Variants in SEC61A2 observed in about 807,000 individuals in gnomAD.
SEC61A2 encodes protein transport protein Sec61 subunit alpha isoform 2.
A neutral mutation model predicts 59.9 loss-of-function variants in SEC61A2; 28 were observed. The ratio of observed to expected loss-of-function variants is 0.47; its 90% confidence interval spans 0.35 to 0.64. The LOEUF (loss-of-function observed/expected upper bound fraction) is 0.64, where lower values mean the gene tolerates loss of function less well. Among genes scored for constraint, SEC61A2 ranks in the 30% least tolerant of loss-of-function variants. The pLI is 0.01. For synonymous variants in SEC61A2, 202 were observed against 214.4 expected, an observed-to-expected ratio of 0.94 and a Z score of 0.50; for missense variants, 340 against 585.9, an observed-to-expected ratio of 0.58 and a Z score of 4.33.
chr10:12,139,376 G>A (rs181254949), intron 3 of SEC61A2, among the ~76,000 whole-genome samples: 8 of 151,706 alleles, frequency 5.3e-5, no homozygotes, highest in Non-Finnish European at 8.8e-5. Context: ...CTTGCCAGGC[G>A]CAGTGGCTCA....
At position 12,153,768 on chromosome 10, in the gene SEC61A2, A is replaced by G; in HGVS notation, c.463-2010A>G. The G allele has an allele frequency of 6.2e-7, 1 of 1,611,096 alleles. No homozygotes were observed. Among genetic ancestry groups the G allele is most frequent in the Non-Finnish European group, 8.5e-7 (1 of 1,179,360 alleles). Reference sequence around the variant, plus strand: ...ACTAACATTGAAAATATGTGGATACACTGAAGAGCTATGATTGGATCAGTG... The same window carrying G: ...ACTAACATTGAAAATATGTGGATACGCTGAAGAGCTATGATTGGATCAGTG... On this transcript the variant is annotated intron_variant, in intron 6 of 11. Transcript: ENST00000298428. This position sits in a 1 kb window ranked among gnomAD's most constrained non-coding sequence, Gnocchi z 5.2.
chr10:12,130,967 G>C (rs1043588821), intron 1 of SEC61A2, among the ~76,000 whole-genome samples: 2 of 152,192 alleles, frequency 1.3e-5, no homozygotes, highest in Admixed American at 6.5e-5. Context: ...GAGGTCAGGT[G>C]TTCGAGACCA....
At chr10:12,151,210 A>T (rs1834264221) in intron 6 of SEC61A2, among the ~76,000 whole-genome samples, 1 of 151,396 alleles carries the variant, frequency 6.6e-6, no homozygotes, top group Admixed American at 6.6e-5. Context: ...AGTTTGCTGA[A>T]GTTAATAAAC....
At chr10:12,134,197 C>T (rs554209608) in intron 2 of SEC61A2, among the ~76,000 whole-genome samples, 22 of 152,174 alleles carry the variant, frequency 1.4e-4, no homozygotes, top group Admixed American at 3.9e-4. Flanking sequence ...TTAGTAGAGA[C>T]GGGGTTTCAC....
rs990938332 is a variant in SEC61A2, at chr10:12,142,167, C to T, written c.142-950C>T. Reference sequence around the variant, plus strand: ...TTGGATCTCAGGGCAGGATTTATGGCGAGTACATGTTCTTACACTAAGGAC... The same window carrying T: ...TTGGATCTCAGGGCAGGATTTATGGTGAGTACATGTTCTTACACTAAGGAC... On this transcript the variant is annotated intron_variant, in intron 3 of 11. Transcript: ENST00000298428. This position sits in a 1 kb window ranked among gnomAD's most constrained non-coding sequence, Gnocchi z 5.4. Among the ~76,000 whole-genome samples the T allele has an allele frequency of 2.0e-5, 3 of 152,072 alleles. No individual in the cohort carries two copies. The highest frequency in any genetic ancestry group is 6.6e-5 in the Admixed American group (1 of 15,252).
At position 12,160,302 on chromosome 10, in the gene SEC61A2, C is replaced by T. The variant is rs369983519; in HGVS notation, c.976-628C>T. 3.9e-5 allele frequency among the ~76,000 whole-genome samples: 6 copies of T among 152,258 alleles called. No individual in the cohort carries two copies. The highest frequency in any genetic ancestry group is 1.4e-4 in the African/African-American group (6 of 41,552). On this transcript the variant is annotated intron_variant, in intron 9 of 11. Transcript: ENST00000298428. The surrounding 1 kb of genome is among the most constrained non-coding windows in gnomAD (Gnocchi z 4.1). Reference sequence around the variant, plus strand: ...ATTGGGCAGTCATAAATTCAAGAACCAGATACTGTAATCATCGCAACTAAA... The same window carrying T: ...ATTGGGCAGTCATAAATTCAAGAACTAGATACTGTAATCATCGCAACTAAA...
At chr10:12,141,969 G>C (rs1588633958) in intron 3 of SEC61A2, among the ~76,000 whole-genome samples, 1 of 152,190 alleles carries the variant, frequency 6.6e-6, no homozygotes, top group East Asian at 1.9e-4. Flanking sequence ...AGCATAGTTT[G>C]GGGCAGCAGT....
In SEC61A2 at chr10:12,145,374, T is replaced by G. The variant is rs1395803005; in HGVS notation, c.220+2179T>G. Among the ~76,000 whole-genome samples the G allele has an allele frequency of 2.6e-5, 4 of 152,202 alleles. No homozygotes were observed. Among genetic ancestry groups the G allele is most frequent in the Non-Finnish European group, 5.9e-5 (4 of 68,032 alleles). On this transcript the variant is annotated intron_variant, in intron 4 of 11. Transcript: ENST00000298428. This position sits in a 1 kb window ranked among gnomAD's most constrained non-coding sequence, Gnocchi z 4.4. ...GGGTCACAAGATAGGCATACTGAAATTTTTGATAGAGAAAGCTAAATTATC... is the reference window on the plus strand; with the variant it reads ...GGGTCACAAGATAGGCATACTGAAAGTTTTGATAGAGAAAGCTAAATTATC...
At position 12,157,048 on chromosome 10, in the gene SEC61A2, C is replaced by T. The variant is rs763068385; in HGVS notation, c.758C>T (p.Ala253Val). The T allele has an allele frequency of 5.0e-6, 8 of 1,613,986 alleles. No homozygotes were observed. The highest frequency in any genetic ancestry group is 6.8e-6 in the Non-Finnish European group (8 of 1,179,960). ...MNLIATVFVF[A>V]VVIYFQGFRV... ...CTCATTGCTACAGTTTTTGTGTTTG[C>T]TGTTGTTATATATTTCCAAGTAAGT... The change falls in exon 8 of 12, where the codon GCT (alanine) becomes GTT (valine). Residue 253 changes from alanine (A) to valine (V), a missense_variant. Ala to Val is a moderately conservative substitution (Grantham distance 64). Coordinates refer to ENST00000298428, the MANE Select transcript of SEC61A2 (RefSeq NM_018144.4).
intron 8 of SEC61A2, 43 bp from the exon 9 acceptor site, chr10:12,157,865 A>T: frequency 6.4e-7 from 1 of 1,558,670 alleles, no homozygotes; most frequent in Non-Finnish European, 8.8e-7. Context: ...TTCTTTTCTT[A>T]ATGTGTCTGG....
Position 12,139,868 on chromosome 10 carries a change from C to T in SEC61A2, c.142-3249C>T, listed in dbSNP as rs61222568. ...CCTGTAGTCCCAGCTACTTGGGAGG[C>T]TGAGGCAGGAGAATGGCGTGAACCC... On this transcript the variant is annotated intron_variant, in intron 3 of 11. Transcript: ENST00000298428. Among the ~76,000 whole-genome samples, 8 of 151,180 alleles carry T rather than the reference C, an allele frequency of 5.3e-5. No homozygotes were observed. The East Asian group carries it at 1.6e-3, about 29-fold the overall frequency.
In SEC61A2 at chr10:12,151,392, A is replaced by G. The variant is rs1225503961; in HGVS notation, c.462+1431A>G. On this transcript the variant is annotated intron_variant, in intron 6 of 11. Coordinates refer to ENST00000298428, the MANE Select transcript of SEC61A2 (RefSeq NM_018144.4). ...AGTGGCACGATCTCGGCTCACTGCAACCTCCCCTTCCTGGTTTCAAGCGAT... is the reference window on the plus strand; with the variant it reads ...AGTGGCACGATCTCGGCTCACTGCAGCCTCCCCTTCCTGGTTTCAAGCGAT... 1.3e-4 allele frequency among the ~76,000 whole-genome samples: 19 copies of G among 147,268 alleles called. 3 individuals are homozygous for G. Among genetic ancestry groups the G allele is most frequent in the African/African-American group, 4.6e-4 (18 of 38,726 alleles).
In SEC61A2 at chr10:12,145,972, C is replaced by G. The variant is rs1588636254; in HGVS notation, c.220+2777C>G. On this transcript the variant is annotated intron_variant, in intron 4 of 11. Transcript: ENST00000298428. This position sits in a 1 kb window ranked among gnomAD's most constrained non-coding sequence, Gnocchi z 4.4. ...GGCCTCAGCAGCAGGGATTGGTGAA[C>G]ATTTTCCATTCTCTGTGCGATTCAG... 6.6e-6 allele frequency among the ~76,000 whole-genome samples: 1 copy of G among 152,138 alleles called. No homozygotes were observed. The highest frequency in any genetic ancestry group is 2.4e-5 in the African/African-American group (1 of 41,436).
In SEC61A2 at chr10:12,156,835, C is replaced by A; in HGVS notation, c.617-72C>A. 6.6e-7 allele frequency: 1 copy of A among 1,504,842 alleles called. No individual in the cohort carries two copies. The highest frequency in any genetic ancestry group is 1.4e-5 in the African/African-American group (1 of 70,914). 93.2% of individuals were successfully genotyped at this position (1,504,842 alleles called of 1,614,324 possible). On this transcript the variant is annotated intron_variant, in intron 7 of 11. Transcript: ENST00000298428. This position sits in a 1 kb window ranked among gnomAD's most constrained non-coding sequence, Gnocchi z 5.2. The stretch of plus-strand genomic sequence containing the variant: ...TTTTCTGCTGTATACTGGACTTTCA[C>A]GGTTAGTTGTTTGAGCTTTGGGACA...
At position 12,160,648 on chromosome 10, in the gene SEC61A2, T is replaced by C. The variant is rs1211273901; in HGVS notation, c.976-282T>C. Among the ~76,000 whole-genome samples, 3 of 152,232 alleles carry C rather than the reference T, an allele frequency of 2.0e-5. No homozygotes were observed. Among genetic ancestry groups the C allele is most frequent in the Admixed American group, 1.3e-4 (2 of 15,276 alleles). The stretch of plus-strand genomic sequence containing the variant: ...AATCAGAGGTTGATTGTAAATGTAA[T>C]CATATTCCTATTTTCAGTAATGGAA... On this transcript the variant is annotated intron_variant, in intron 9 of 11. Transcript: ENST00000298428. This position sits in a 1 kb window ranked among gnomAD's most constrained non-coding sequence, Gnocchi z 4.1.
Position 12,155,193 on chromosome 10 carries a change from C to A in SEC61A2, c.463-585C>A. ...TCTTTGTCACTATGTGTATAGAATGCATTTTTACATTGCTGCTCGAGTACG... is the reference window on the plus strand; with the variant it reads ...TCTTTGTCACTATGTGTATAGAATGAATTTTTACATTGCTGCTCGAGTACG... On this transcript the variant is annotated intron_variant, in intron 6 of 11. Coordinates refer to ENST00000298428, the MANE Select transcript of SEC61A2 (RefSeq NM_018144.4). The surrounding 1 kb of genome is among the most constrained non-coding windows in gnomAD (Gnocchi z 4.3). 1 of 552,248 alleles carries A rather than the reference C, an allele frequency of 1.8e-6. No individual in the cohort carries two copies. The highest frequency in any genetic ancestry group is 2.8e-6 in the Non-Finnish European group (1 of 361,840). The allele number at this position is 552,248 out of a possible 1,614,324, so 34.2% of individuals were successfully genotyped here. A position where few individuals can be genotyped will look rare whatever the true frequency, so the allele number is the denominator to read the frequency against.
rs1464607843 is a variant in SEC61A2 at position 12,165,183 on chromosome 10, T to C, written c.*729T>C. The C allele has an allele frequency of 3.1e-5, 31 of 985,336 alleles. No homozygotes were observed. Among genetic ancestry groups the C allele is most frequent in the Admixed American group, 6.1e-5 (1 of 16,266 alleles). The allele number at this position is 985,336 out of a possible 1,614,324, so 61.0% of individuals were successfully genotyped here. On this transcript the variant is annotated 3_prime_UTR_variant, in exon 12 of 12. Coordinates refer to ENST00000298428, the MANE Select transcript of SEC61A2 (RefSeq NM_018144.4). The stretch of plus-strand genomic sequence containing the variant: ...GTCACTTGAGAATATTCTTTCAAGA[T>C]TCTGGGCCCCGATTCTTTTCTGTTT...
chr10:12,151,954 G>A (rs1834284825), intron 6 of SEC61A2, among the ~76,000 whole-genome samples: 1 of 152,068 alleles, frequency 6.6e-6, no homozygotes, highest in Non-Finnish European at 1.5e-5. Context: ...TATGTAGGAA[G>A]CAAAACATGA....
At chr10:12,135,969 T>C (rs1342476850) in intron 2 of SEC61A2, 136 bp from the exon 3 acceptor site, 3 of 649,026 alleles carry the variant, frequency 4.6e-6, no homozygotes, top group African/African-American at 3.6e-5. Context: ...ACAAAAATGC[T>C]TCCTTTATAA....
Sources: gnomAD v4.1 joint callset for allele counts (sites outside exome capture counted in the v4.1 genomes callset) on GRCh38, gnomAD v4.1.1 for gene constraint, Gnocchi (gnomAD v3.1) non-coding constraint, MANE v1.5 for transcripts, NCBI Gene and HGNC (gene_info 2026-07-23, HGNC 2026-07-21) for gene names.